Variants in INPP4A observed in about 807,000 individuals in gnomAD.
INPP4A encodes inositol polyphosphate-4-phosphatase, type I, 107kD.
INPP4A carries 33 observed loss-of-function variants against 119.8 expected under a neutral mutation model. The observed-to-expected ratio is 0.28, with a 90% confidence interval of 0.21 to 0.37. INPP4A has a LOEUF of 0.37. INPP4A is among the 10% of genes least tolerant of loss of function. The pLI is 1.00. For synonymous variants in INPP4A, 496 were observed against 500.7 expected (o/e 0.99, Z 0.12); for missense variants, 956 against 1,289.9 (o/e 0.74, Z 3.97).
chr2:98,457,522 T>C (rs1291984083), intron 1 of INPP4A, among the ~76,000 whole-genome samples: 1 of 152,250 alleles, frequency 6.6e-6, no homozygotes, highest in Non-Finnish European at 1.5e-5. Context: ...GTTGGCTGTT[T>C]TGTAAACTAT....
chr2:98,548,965 T>C (rs746375136), intron 13 of INPP4A: 1 of 1,612,266 alleles, frequency 6.2e-7, no homozygotes. Flanking sequence ...TTTTGAGGAG[T>C]GTTGGTGAGT....
At chr2:98,578,538 C>T (rs1265110792) in intron 24 of INPP4A, among the ~76,000 whole-genome samples, 1 of 152,196 alleles carries the variant, frequency 6.6e-6, no homozygotes, top group Non-Finnish European at 1.5e-5. Context: ...CCTCTGAACA[C>T]AAAGACCTCA....
At chr2:98,543,678 T>C (rs1691950981) in intron 10 of INPP4A, among the ~76,000 whole-genome samples, 199 bp from the exon 11 acceptor site, 3 of 152,150 alleles carry the variant, frequency 2.0e-5, no homozygotes. Context: ...ACGTGGTCAG[T>C]GGTCTGCTTT....
At chr2:98,561,930 A>G (rs974745164) in intron 17 of INPP4A, among the ~76,000 whole-genome samples, 1 of 152,222 alleles carries the variant, frequency 6.6e-6, no homozygotes, top group Non-Finnish European at 1.5e-5. Context: ...AATTCTTCAA[A>G]GAAACAAAAA....
At chr2:98,496,488 A>G (rs1194838060) in intron 1 of INPP4A, among the ~76,000 whole-genome samples, 2 of 152,240 alleles carry the variant, frequency 1.3e-5, no homozygotes, top group African/African-American at 4.8e-5. Context: ...ATAAGATCTC[A>G]AAAGCACAGG....
At chr2:98,528,938 C>T (rs980375318) in intron 4 of INPP4A, among the ~76,000 whole-genome samples, 11 of 151,876 alleles carry the variant, frequency 7.2e-5, no homozygotes, top group Admixed American at 1.3e-4. Context: ...ATTAGCTGGG[C>T]GTGGTGGCAG....
At chr2:98,514,107 A>T (rs1392357142) in intron 1 of INPP4A, among the ~76,000 whole-genome samples, 1 of 152,158 alleles carries the variant, frequency 6.6e-6, no homozygotes, top group Non-Finnish European at 1.5e-5. Flanking sequence ...TCTAGGTTGG[A>T]TTAACAGCTC....
At chr2:98,526,989 A>AC (rs200650790) in intron 4 of INPP4A, among the ~76,000 whole-genome samples, 6 of 152,122 alleles carry the variant, frequency 3.9e-5, no homozygotes, top group Admixed American at 2.0e-4. Flanking sequence ...TTATCCAAAT[A>AC]CCTTCCACCA....
At chr2:98,507,938 C>T (rs1684376988) in intron 1 of INPP4A, among the ~76,000 whole-genome samples, 1 of 152,172 alleles carries the variant, frequency 6.6e-6, no homozygotes, top group African/African-American at 2.4e-5. Flanking sequence ...CCATGACTGT[C>T]CTTACCATGA....
chr2:98,520,891 C>G, intron 4 of INPP4A, 160 bp downstream of exon 4: 2 of 548,472 alleles, frequency 3.6e-6, no homozygotes, highest in East Asian at 3.2e-5. Flanking sequence ...CAGTTGTGAA[C>G]TTCTGTGGAT....
At chr2:98,579,971 G>A (rs562675031) in intron 24 of INPP4A, among the ~76,000 whole-genome samples, 5 of 152,388 alleles carry the variant, frequency 3.3e-5, no homozygotes, top group East Asian at 1.9e-4. Flanking sequence ...ACCCTTGCAG[G>A]TCTGAGGCTC....
At chr2:98,520,828 C>A in intron 4 of INPP4A, 97 bp downstream of exon 4, 1 of 667,894 alleles carries the variant, frequency 1.5e-6, no homozygotes, top group East Asian at 2.9e-5. Context: ...TCTCAGAGAG[C>A]TTGCTGCTGC....
chr2:98,578,354 C>T (rs1206024137), intron 24 of INPP4A, among the ~76,000 whole-genome samples: 1 of 152,132 alleles, frequency 6.6e-6, no homozygotes, highest in African/African-American at 2.4e-5. Flanking sequence ...AGACCTCAGC[C>T]AGTGAAGAAA....
Position 98,546,618 on chromosome 2 carries a change from C to T in INPP4A, c.1087C>T (p.Pro363Ser). The T allele has an allele frequency of 1.2e-6, 2 of 1,613,862 alleles. No individual in the cohort carries two copies. Among genetic ancestry groups the T allele is most frequent in the Non-Finnish European group, 8.5e-7 (1 of 1,179,748 alleles). Reference sequence around the variant, plus strand: ...CTACGACATCGTCACCATTGGGGCGCCAGCAGCACACTGCCAAGGTTTTAA... The same window carrying T: ...CTACGACATCGTCACCATTGGGGCGTCAGCAGCACACTGCCAAGGTTTTAA... The part of the protein sequence containing the change: ...QNYDIVTIGA[P>S]AAHCQGFKSG... The change falls in exon 13 of 25, where the codon CCA becomes TCA. Residue 363 changes from proline to serine, a missense_variant. Physicochemically the swap from Pro to Ser is moderately conservative, Grantham distance 74 (BLOSUM62 -1). Around this residue, in one of 2 missense-constraint regions of INPP4A, gnomAD observed 652 missense variants for 797.9 expected, o/e 0.82. Coordinates refer to ENST00000409851, the MANE Select transcript of INPP4A (RefSeq NM_001134225.2). This position sits in a 1 kb window ranked among gnomAD's most constrained non-coding sequence, Gnocchi z 4.2.
chr2:98,537,490 A>C lies in INPP4A; in HGVS notation c.468-373A>C, dbSNP rs761774262. ...CAGAAAAGGGCCCAGGGCCAGAACA[A>C]GGTGTTCTGTAGTCCTCACTCTGAC... On this transcript the variant is annotated intron_variant, in intron 7 of 24. Transcript: ENST00000409851. Among the ~76,000 whole-genome samples the C allele has an allele frequency of 7.2e-5, 11 of 152,304 alleles. No homozygotes were observed. In the East Asian group the frequency reaches 1.2e-3, roughly 16 times the overall value.
In INPP4A at chr2:98,588,563, C is replaced by G. The variant is rs867821414; in HGVS notation, c.*955C>G. The stretch of plus-strand genomic sequence containing the variant: ...AGACAGTACAATCATGTTTGAATGT[C>G]TGATGAAAGTGTCTTATTTTTAGGT... On this transcript the variant is annotated 3_prime_UTR_variant, in exon 25 of 25. Coordinates refer to ENST00000409851, the MANE Select transcript of INPP4A (RefSeq NM_001134225.2). The G allele has an allele frequency of 1.8e-5, 4 of 221,928 alleles. No homozygotes were observed. The South Asian group carries it at 7.3e-4, about 41-fold the overall frequency. 13.7% of individuals were successfully genotyped at this position (221,928 alleles called of 1,614,324 possible).
At chr2:98,558,630 T>C (rs1694907301) in intron 16 of INPP4A, among the ~76,000 whole-genome samples, 1 of 152,242 alleles carries the variant, frequency 6.6e-6, no homozygotes, top group African/African-American at 2.4e-5. Context: ...CCACCTCATT[T>C]CCACATCCTG....
intron 1 of INPP4A, among the ~76,000 whole-genome samples, chr2:98,517,730 A>T (rs1686418240): frequency 6.6e-6 from 1 of 152,214 alleles, no homozygotes; most frequent in African/African-American, 2.4e-5. Flanking sequence ...TTGCTTTATT[A>T]TTATAAGTAA....
intron 16 of INPP4A, among the ~76,000 whole-genome samples, chr2:98,558,615 C>T (rs1389928585): frequency 6.6e-6 from 1 of 152,106 alleles, no homozygotes; most frequent in African/African-American, 2.4e-5. Context: ...CTTGGGGATC[C>T]GAGACCACCT....
Sources: gnomAD v4.1 joint callset for allele counts (sites outside exome capture counted in the v4.1 genomes callset) on GRCh38, gnomAD v4.1.1 for gene constraint, gnomAD v4.1.1 regional missense constraint, Gnocchi (gnomAD v3.1) non-coding constraint, MANE v1.5 for transcripts, NCBI Gene and HGNC (gene_info 2026-07-23, HGNC 2026-07-21) for gene names.